Variants in KRT79 observed in about 807,000 individuals in gnomAD.
KRT79 encodes the protein keratin 79.
In KRT79, 51 loss-of-function variants were observed where a neutral mutation model predicts 49.0. The ratio of observed to expected loss-of-function variants is 1.04; its 90% CI spans 0.83 to 1.31. The LOEUF is 1.31. KRT79 is among the 40% of genes most tolerant of loss of function. The probability of loss-of-function intolerance (pLI) is 0.00; values close to 1 mark genes in which losing one functional copy is unlikely to be tolerated. For missense variants in KRT79, 728 were observed against 688.0 expected (o/e 1.06, Z -0.65); for synonymous variants, 312 against 286.6 (o/e 1.09, Z -0.90).
At chr12:52,830,356 C>G in intron 2 of KRT79, 64 bp from the exon 3 acceptor site, 2 of 1,461,242 alleles carry the variant, frequency 1.4e-6, no homozygotes, top group Non-Finnish European at 9.6e-7. Context: ...ATGGGACCCA[C>G]TCAGCCTTAC....
chr12:52,829,155 G>A lies in KRT79; in HGVS notation c.855+868C>T, dbSNP rs546579065. On this transcript the variant is annotated intron_variant, in intron 4 of 8. Transcript: ENST00000330553. ...GGAAGGTTGGTCTTGAGGTCCCTGCGGACCCTAAGAGTCTGTGATTCTGCG... is the reference window on the plus strand; with the variant it reads ...GGAAGGTTGGTCTTGAGGTCCCTGCAGACCCTAAGAGTCTGTGATTCTGCG... Among the ~76,000 whole-genome samples the A allele has an allele frequency of 3.3e-5, 5 of 152,262 alleles. No individual in the cohort carries two copies. In the South Asian group the frequency reaches 6.2e-4, roughly 19 times the overall value.
intron 1 of KRT79, among the ~76,000 whole-genome samples, chr12:52,833,342 G>A (rs569680882): frequency 8.5e-5 from 13 of 152,144 alleles, no homozygotes; most frequent in Admixed American, 3.9e-4. Context: ...AACAAACAGG[G>A]CTCCATGCTC....
At chr12:52,832,188 A>G (rs1592319380) in intron 1 of KRT79, among the ~76,000 whole-genome samples, 1 of 152,212 alleles carries the variant, frequency 6.6e-6, no homozygotes, top group East Asian at 1.9e-4. Context: ...GGATCACTTG[A>G]GCCCAAGAGA....
Position 52,824,306 on chromosome 12 carries a change from G to T in KRT79, c.912C>A (p.Asp304Glu), listed in dbSNP as rs1313909916. The change falls in exon 5 of 9, where the codon GAC becomes GAA. Residue 304 changes from aspartate to glutamate, a missense_variant. Physicochemically the swap from Asp to Glu is conservative, Grantham distance 45. Coordinates refer to ENST00000330553, the MANE Select transcript of KRT79 (RefSeq NM_175834.3). ...VSNTNVVLSM[D>E]NNRNLDLDSI... is the part of the protein sequence containing the mutation. ...TGTCCAGGTCCAGGTTGCGGTTGTTGTCCATGGACAGCACCACATTGGTGT... is the reference window on the plus strand; with the variant it reads ...TGTCCAGGTCCAGGTTGCGGTTGTTTTCCATGGACAGCACCACATTGGTGT... The T allele has an allele frequency of 1.2e-6, 2 of 1,614,200 alleles. No homozygotes were observed. Among genetic ancestry groups the T allele is most frequent in the Non-Finnish European group, 1.7e-6 (2 of 1,180,038 alleles).
chr12:52,826,544 G>A (rs960655399), intron 4 of KRT79, among the ~76,000 whole-genome samples: 17 of 150,278 alleles, frequency 1.1e-4, no homozygotes, highest in African/African-American at 3.7e-4. Flanking sequence ...CAGGCTTTCC[G>A]ATGAAAGGGA....
In KRT79 at chr12:52,823,234, A is replaced by AAG. The variant is rs767552529; in HGVS notation, c.1148_1149insCT (p.Gln384PhefsTer40). ...CCGCAATGGCCGTCTGCAGCTGCTG[A>AAG]CACTGCCCAGGGGAGAAAGGTGTTG... On this transcript the variant is annotated frameshift_variant and splice_region_variant, in exon 7 of 9. Coordinates refer to ENST00000330553, the MANE Select transcript of KRT79 (RefSeq NM_175834.3). LOFTEE classifies it high-confidence loss of function. 2 of 1,613,884 alleles carry AAG rather than the reference A, an allele frequency of 1.2e-6. No individual in the cohort carries two copies. The highest frequency in any genetic ancestry group is 3.3e-5 in the Admixed American group (2 of 60,012).
Position 52,821,613 on chromosome 12 carries a change from C to CGCCAGATCATT in KRT79, c.*258_*259insAATGATCTGGC. 1 of 494,332 alleles carries CGCCAGATCATT rather than the reference C, an allele frequency of 2.0e-6. No homozygotes were observed. Among genetic ancestry groups the CGCCAGATCATT allele is most frequent in the Non-Finnish European group, 3.6e-6 (1 of 276,416 alleles). 30.6% of individuals were successfully genotyped at this position (494,332 alleles called of 1,614,324 possible). On this transcript the variant is annotated 3_prime_UTR_variant, in exon 9 of 9. Transcript: ENST00000330553. Reference sequence around the variant, plus strand: ...AGAAATTCAGCCTCCTCTCGGTGGTCAAAAGGTCACCCCCAAGTCACCCAA... The same window carrying CGCCAGATCATT: ...AGAAATTCAGCCTCCTCTCGGTGGTCGCCAGATCATTAAAAGGTCACCCCCAAGTCACCCAA...
intron 3 of KRT79, 48 bp downstream of exon 3, chr12:52,830,184 A>C (rs768815956): frequency 1.2e-6 from 2 of 1,613,068 alleles, no homozygotes; most frequent in Admixed American, 1.7e-5. Context: ...GAATCAGCCC[A>C]GTACCCTGGC....
chr12:52,830,059 G>A lies in KRT79; in HGVS notation c.819C>T (p.Thr273=), dbSNP rs1220252071. ...MDLHGKVGTL[T]QEIDFLQQLY... ...GTTGCTGCAGGAAGTCAATCTCCTG[G>A]GTCAAGGTGCCCACTTTGCCATGCA... The change falls in exon 4 of 9, where the codon ACC becomes ACT. Residue 273 remains threonine (T), a synonymous_variant. Coordinates refer to ENST00000330553, the MANE Select transcript of KRT79 (RefSeq NM_175834.3). The A allele has an allele frequency of 1.9e-6, 3 of 1,614,012 alleles. No individual in the cohort carries two copies. The highest frequency in any genetic ancestry group is 2.7e-5 in the African/African-American group (2 of 74,906).
rs1444372293 is a variant in KRT79, at chr12:52,831,588, G to C, written c.516C>G (p.Thr172=). The C allele has an allele frequency of 1.9e-6, 3 of 1,614,054 alleles. No individual in the cohort carries two copies. In the African/African-American group the frequency reaches 4.0e-5, roughly 22 times the overall value. The change falls in exon 2 of 9, where the codon ACC becomes ACG. Residue 172 remains threonine, a synonymous_variant. Transcript: ENST00000330553. The part of the protein sequence containing the change: ...FLEQQNKVLE[T]KWALLQEQGQ... ...CCTGCTCCTGCAGCAGTGCCCACTT[G>C]GTCTCCAGCACCTTATTCTGTTGCT...
At position 52,833,778 on chromosome 12, in the gene KRT79, G is replaced by T; in HGVS notation, c.477+6C>A. On this transcript the variant is annotated splice_donor_region_variant and intron_variant, in intron 1 of 8. Coordinates refer to ENST00000330553, the MANE Select transcript of KRT79 (RefSeq NM_175834.3). ...GAGCTCCCTTCCTCCTTCCTGCTTG[G>T]CCCACCTTGTCGATGAAGGAGGCGA... The T allele has an allele frequency of 6.2e-7, 1 of 1,609,454 alleles. No individual in the cohort carries two copies. Among genetic ancestry groups the T allele is most frequent in the Non-Finnish European group, 8.5e-7 (1 of 1,176,030 alleles).
rs927250775 is a variant in KRT79 at position 52,823,274 on chromosome 12, G to C, written c.1147-38C>G. On this transcript the variant is annotated intron_variant, in intron 6 of 8. Transcript: ENST00000330553. ...GAAAGGTGTTGGAAGCACCCTCCGG[G>C]GTCATCCCATTCATCTCTCTGCCCT... 4 of 1,540,832 alleles carry C rather than the reference G, an allele frequency of 2.6e-6. No homozygotes were observed. In the East Asian group the frequency reaches 9.1e-5, roughly 35 times the overall value.
intron 1 of KRT79, among the ~76,000 whole-genome samples, chr12:52,832,401 A>G (rs887755141): frequency 3.3e-5 from 5 of 151,868 alleles, no homozygotes; most frequent in Non-Finnish European, 4.4e-5. Flanking sequence ...TAAAGTACCA[A>G]TGTCTGAGCC....
At position 52,833,035 on chromosome 12, in the gene KRT79, A is replaced by C. The variant is rs181500634; in HGVS notation, c.477+749T>G. On this transcript the variant is annotated intron_variant, in intron 1 of 8. Coordinates refer to ENST00000330553, the MANE Select transcript of KRT79 (RefSeq NM_175834.3). ...GACCCGCTGCCTTGGCTCAGGATCG[A>C]GGTGGACAATGCCAGCGAAACAGAC... Among the ~76,000 whole-genome samples, 50 of 152,292 alleles carry C rather than the reference A, an allele frequency of 3.3e-4. No individual in the cohort carries two copies. In the East Asian group the frequency reaches 8.9e-3, roughly 27 times the overall value.
In KRT79 at chr12:52,822,075, C is replaced by T. The variant is rs1306060488; in HGVS notation, c.1405G>A (p.Val469Met). 2 of 1,613,930 alleles carry T rather than the reference C, an allele frequency of 1.2e-6. No homozygotes were observed. Among genetic ancestry groups the T allele is most frequent in the Non-Finnish European group, 1.7e-6 (2 of 1,180,026 alleles). Residue 469 changes from valine to methionine, a missense_variant and splice_region_variant, in exon 9 of 9, where the codon GTG (valine) becomes ATG (methionine). By Grantham distance (21) the Val-to-Met change is conservative. Coordinates refer to ENST00000330553, the MANE Select transcript of KRT79 (RefSeq NM_175834.3). Reference protein sequence around the residue: ...GECPSAVSISVTGNSTTVCGG... With the variant: ...GECPSAVSISMTGNSTTVCGG... ...CACACAGTGGTGGAGTTGCCAGTCA[C>T]AGCTGCAAAGCAAAGGGTCTGGATT...
chr12:52,829,054 C>T (rs1265238560), intron 4 of KRT79, among the ~76,000 whole-genome samples: 4 of 152,192 alleles, frequency 2.6e-5, no homozygotes, highest in Admixed American at 6.5e-5. Flanking sequence ...CTCACTGCCA[C>T]AGGAAGTATT....
Position 52,823,049 on chromosome 12 carries a change from G to A in KRT79, c.1334C>T (p.Thr445Ile), listed in dbSNP as rs1940119238. 1 of 1,614,016 alleles carries A rather than the reference G, an allele frequency of 6.2e-7. No individual in the cohort carries two copies. The highest frequency in any genetic ancestry group is 1.3e-5 in the African/African-American group (1 of 74,922). The change falls in exon 7 of 9, where the codon ACC becomes ATC. Residue 445 changes from threonine to isoleucine, a missense_variant. Transcript: ENST00000330553. ...VKLALDVEIA[T>I]YRKLLESEES... ...CTCGCTCTCCAGAAGCTTGCGGTAG[G>A]TGGCAATCTCCACGTCCAGGGCCAG...
chr12:52,834,122 C>A lies in KRT79; in HGVS notation c.139G>T (p.Gly47Trp). 1 of 1,613,286 alleles carries A rather than the reference C, an allele frequency of 6.2e-7. No homozygotes were observed. Among genetic ancestry groups the A allele is most frequent in the South Asian group, 1.1e-5 (1 of 91,068 alleles). Residue 47 changes from glycine (G) to tryptophan (W), a missense_variant, in exon 1 of 9, where the codon GGG (glycine) becomes TGG (tryptophan). Coordinates refer to ENST00000330553, the MANE Select transcript of KRT79 (RefSeq NM_175834.3). ...CCTGTGCCGGGGCCACAGTGGGCCC[C>A]GCCACCACTGCCACTGCTCCGAGAC... ...TVSRSSGSGG[G>W]AHCGPGTGGF...
chr12:52,824,101 C>A (rs372432653), intron 5 of KRT79, 89 bp from the exon 6 acceptor site: 10 of 1,610,272 alleles, frequency 6.2e-6, no homozygotes, highest in East Asian at 4.5e-5. Context: ...GTATATCTGG[C>A]CCCCCGGACT....
Sources: gnomAD v4.1 joint callset for allele counts (sites outside exome capture counted in the v4.1 genomes callset) on GRCh38, gnomAD v4.1.1 for gene constraint, MANE v1.5 for transcripts, NCBI Gene and HGNC (gene_info 2026-07-23, HGNC 2026-07-21) for gene names.